The following TCP11L1 variants were observed in gnomAD, a reference collection of about 807,000 sequenced individuals.
The protein encoded by TCP11L1 is T-complex protein 11-like protein 1.
TCP11L1 carries 28 observed loss-of-function variants against 48.9 expected under a neutral mutation model. The ratio of observed to expected loss-of-function variants is 0.57; its 90% CI spans 0.42 to 0.78. TCP11L1 has a LOEUF of 0.78. TCP11L1 is among the 30% of genes least tolerant of loss of function. The pLI is 0.00. For missense variants in TCP11L1, 505 were observed against 613.4 expected (o/e 0.82, Z 1.87); for synonymous variants, 204 against 231.9 (o/e 0.88, Z 1.09).
chr11:33,071,753 G>A (rs1022339645), intron 9 of TCP11L1, among the ~76,000 whole-genome samples: 10 of 152,178 alleles, frequency 6.6e-5, no homozygotes, highest in African/African-American at 1.2e-4. Context: ...GATCGTCAGC[G>A]ATGGCTAACA....
In TCP11L1 at chr11:33,050,335, G is replaced by A. The variant is rs1854121906; in HGVS notation, c.164-4258G>A. Among the ~76,000 whole-genome samples the A allele has an allele frequency of 5.3e-5, 8 of 152,274 alleles. 1 individual carries two copies. In the South Asian group the frequency reaches 1.7e-3, roughly 32 times the overall value. ...AAACTTGGGAGCCCTAATAATCTCT[G>A]AGTTTCTTCTTAAGGGGTAAGACCT... On this transcript the variant is annotated intron_variant, in intron 2 of 9. Transcript: ENST00000334274.
chr11:33,065,553 G>A (rs11601264), intron 7 of TCP11L1, among the ~76,000 whole-genome samples: 63,993 of 152,078 alleles, frequency 0.42, 13,775 homozygotes, highest in African/African-American at 0.51. Flanking sequence ...GTGAGCCACC[G>A]CGGCCAGCCG....
chr11:33,064,601 C>T lies in TCP11L1; in HGVS notation c.973-1229C>T, dbSNP rs140945513. On this transcript the variant is annotated intron_variant, in intron 7 of 9. Coordinates refer to ENST00000334274, the MANE Select transcript of TCP11L1 (RefSeq NM_018393.4). ...CAGTCATGGGAATGTGCTTGCTTTC[C>T]GGGAGGCTTTAGATTGTTCTCTGTC... Among the ~76,000 whole-genome samples, 154 of 152,222 alleles carry T rather than the reference C, an allele frequency of 1.0e-3. 2 individuals are homozygous for T. The highest frequency in any genetic ancestry group is 3.7e-3 in the East Asian group (19 of 5,180).
At chr11:33,058,876 G>T (rs966937761) in intron 5 of TCP11L1, 83 bp from the exon 6 acceptor site, 4 of 1,497,558 alleles carry the variant, frequency 2.7e-6, no homozygotes. Flanking sequence ...GATTACAGGT[G>T]TGAGCCACGC....
intron 7 of TCP11L1, among the ~76,000 whole-genome samples, chr11:33,065,029 A>C (rs987905934): frequency 6.6e-6 from 1 of 152,156 alleles, no homozygotes; most frequent in African/African-American, 2.4e-5. Flanking sequence ...AGGACTTGGG[A>C]ATTTCCATTT....
At chr11:33,062,362 C>T (rs1854493267) in intron 7 of TCP11L1, among the ~76,000 whole-genome samples, 1 of 151,438 alleles carries the variant, frequency 6.6e-6, no homozygotes, top group African/African-American at 2.4e-5. Flanking sequence ...TTTGCCTATC[C>T]TGGACATTTT....
intron 5 of TCP11L1, among the ~76,000 whole-genome samples, chr11:33,058,576 A>G (rs988491843): frequency 1.4e-4 from 22 of 152,046 alleles, no homozygotes; most frequent in Admixed American, 1.3e-3. Context: ...TGTAAAATGC[A>G]GAAAAGTAAA....
chr11:33,058,906 TA>T, intron 5 of TCP11L1, 52 bp from the exon 6 acceptor site: 1 of 1,594,652 alleles, frequency 6.3e-7, no homozygotes, highest in East Asian at 2.2e-5. Context: ...TCTTTTCCTT[TA>T]ATGCTATGTT....
At chr11:33,052,403 A>C (rs995982925) in intron 2 of TCP11L1, among the ~76,000 whole-genome samples, 1 of 151,880 alleles carries the variant, frequency 6.6e-6, no homozygotes, top group East Asian at 1.9e-4. Context: ...AGTTTTCCCA[A>C]CTTCCCCTTG....
intron 2 of TCP11L1, among the ~76,000 whole-genome samples, chr11:33,048,752 T>C (rs1854071191): frequency 6.6e-6 from 1 of 152,200 alleles, no homozygotes; most frequent in African/African-American, 2.4e-5. Context: ...AGGATTCTTA[T>C]ATTTCATAGC....
At chr11:33,061,755 A>C (rs763540387) in intron 7 of TCP11L1, 29 bp downstream of exon 7, 6 of 1,544,916 alleles carry the variant, frequency 3.9e-6, no homozygotes, top group African/African-American at 1.4e-5. Context: ...CTCACTACTC[A>C]TATTTGTTTT....
At position 33,046,198 on chromosome 11, in the gene TCP11L1, G is replaced by A. The variant is rs1590220419; in HGVS notation, c.163+2262G>A. On this transcript the variant is annotated intron_variant, in intron 2 of 9. Transcript: ENST00000334274. Reference sequence around the variant, plus strand: ...TGAGGGGTTTTAGACCCTGGACCCTGGACATGTTCCAAGACTCTTTTACAT... The same window carrying A: ...TGAGGGGTTTTAGACCCTGGACCCTAGACATGTTCCAAGACTCTTTTACAT... Among the ~76,000 whole-genome samples, 3 of 152,380 alleles carry A rather than the reference G, an allele frequency of 2.0e-5. No individual in the cohort carries two copies. In the South Asian group the frequency reaches 6.2e-4, roughly 32 times the overall value.
chr11:33,069,480 C>T (rs1460540607), intron 9 of TCP11L1, among the ~76,000 whole-genome samples: 2 of 151,818 alleles, frequency 1.3e-5, no homozygotes, highest in Non-Finnish European at 2.9e-5. Flanking sequence ...ATAATATTAG[C>T]TATTAGTTAT....
At chr11:33,063,715 C>T (rs1261126296) in intron 7 of TCP11L1, among the ~76,000 whole-genome samples, 1 of 152,144 alleles carries the variant, frequency 6.6e-6, no homozygotes, top group African/African-American at 2.4e-5. Flanking sequence ...TTGGGGGGTA[C>T]GTGAGCTTCT....
At position 33,065,749 on chromosome 11, in the gene TCP11L1, GTGTGGGGGC is replaced by G; in HGVS notation, c.973-75_973-67del. 3 of 1,481,312 alleles carry G rather than the reference GTGTGGGGGC, an allele frequency of 2.0e-6. No homozygotes were observed. In the South Asian group the frequency reaches 3.7e-5, roughly 18 times the overall value. The allele number at this position is 1,481,312 out of a possible 1,614,324, so 91.8% of individuals were successfully genotyped here. A position where few individuals can be genotyped will look rare whatever the true frequency, so the allele number is the denominator to read the frequency against. ...ACCCTGAGGGAAGCTGCAGAGGCAG[GTGTGGGGGC>G]TGTGGCGCTCCCGCCCTCTGCTGGC... On this transcript the variant is annotated intron_variant, in intron 7 of 9. Coordinates refer to ENST00000334274, the MANE Select transcript of TCP11L1 (RefSeq NM_018393.4).
intron 1 of TCP11L1, among the ~76,000 whole-genome samples, chr11:33,042,892 C>A (rs11032113): frequency 0.3 from 46,250 of 152,114 alleles, 7,283 homozygotes; most frequent in East Asian, 0.41. Flanking sequence ...ATGGTGAAGC[C>A]CCATCTCTCC....
chr11:33,068,036 T>A (rs148872520), intron 8 of TCP11L1, among the ~76,000 whole-genome samples: 2 of 152,126 alleles, frequency 1.3e-5, no homozygotes, highest in African/African-American at 4.8e-5. Context: ...CCTACCACAG[T>A]CTCCTGAGTA....
At chr11:33,062,405 G>A (rs1014429065) in intron 7 of TCP11L1, among the ~76,000 whole-genome samples, 1 of 145,360 alleles carries the variant, frequency 6.9e-6, no homozygotes, top group African/African-American at 2.6e-5. Context: ...CCAGCCTTTT[G>A]TGCCTGGCTT....
chr11:33,043,210 G>T (rs1042213306), intron 1 of TCP11L1, among the ~76,000 whole-genome samples: 1 of 151,190 alleles, frequency 6.6e-6, no homozygotes, highest in East Asian at 1.9e-4. Context: ...ACTCCAGCCT[G>T]GGCAACAAGA....
Sources: allele counts gnomAD v4.1 joint callset (sites outside exome capture counted in the v4.1 genomes callset), GRCh38; gene constraint gnomAD v4.1.1; transcripts MANE v1.5; gene names NCBI Gene and HGNC (gene_info 2026-07-23, HGNC 2026-07-21).